The following HS6ST3 variants were observed in gnomAD, a reference collection of about 807,000 sequenced individuals.
HS6ST3 encodes the protein heparan sulfate 6-O-sulfotransferase 3, also known as heparan-sulfate 6-O-sulfotransferase 3.
Under a neutral mutation model 36.7 loss-of-function variants are expected in HS6ST3, and 12 were observed. That is an observed-to-expected ratio of 0.33 (90% CI 0.21 to 0.53). The LOEUF (loss-of-function observed/expected upper bound fraction) is 0.53. Ranked by LOEUF, HS6ST3 falls within the 20% of genes least tolerant of loss-of-function variation. HS6ST3 has a pLI of 0.95. For synonymous variants in HS6ST3, 240 were observed against 257.5 expected (o/e 0.93, Z 0.65); for missense variants, 584 against 640.9 (o/e 0.91, Z 0.96).
chr13:96,631,286 G>C (rs191231377), intron 1 of HS6ST3, among the ~76,000 whole-genome samples: 76 of 152,186 alleles, frequency 5.0e-4, no homozygotes, highest in Admixed American at 1.3e-3. Flanking sequence ...TCCCCTTTGT[G>C]CCTTGATATT....
chr13:96,568,442 T>C (rs1170693043), intron 1 of HS6ST3, among the ~76,000 whole-genome samples: 1 of 152,108 alleles, frequency 6.6e-6, no homozygotes, highest in Non-Finnish European at 1.5e-5. Context: ...AATTTTTGTA[T>C]TTTTAGTAGA....
At chr13:96,319,504 A>G (rs1165941469) in intron 1 of HS6ST3, among the ~76,000 whole-genome samples, 1 of 152,194 alleles carries the variant, frequency 6.6e-6, no homozygotes, top group Non-Finnish European at 1.5e-5. Context: ...TCTTGGATAT[A>G]TACCTTGGAA....
At chr13:96,204,228 A>T (rs1343500140) in intron 1 of HS6ST3, among the ~76,000 whole-genome samples, 2 of 152,186 alleles carry the variant, frequency 1.3e-5, no homozygotes, top group South Asian at 2.1e-4. Context: ...ACAGACTTTA[A>T]ACCAACAAAA....
intron 1 of HS6ST3, among the ~76,000 whole-genome samples, chr13:96,639,008 G>A (rs1028992690): frequency 2.0e-5 from 3 of 151,932 alleles, no homozygotes; most frequent in South Asian, 2.1e-4. Context: ...AGTGTGCCAC[G>A]TGCACTTGAG....
At chr13:96,812,676 C>G (rs1878341150) in intron 1 of HS6ST3, among the ~76,000 whole-genome samples, 1 of 152,200 alleles carries the variant, frequency 6.6e-6, no homozygotes. Flanking sequence ...ATCTTTGTTA[C>G]TCCACCTCCT....
intron 1 of HS6ST3, among the ~76,000 whole-genome samples, chr13:96,293,401 A>C (rs909299613): frequency 1.1e-4 from 16 of 152,094 alleles, no homozygotes; most frequent in African/African-American, 3.9e-4. Flanking sequence ...GAGAGAGTGC[A>C]CCATGTTTTC....
chr13:96,776,675 A>G lies in HS6ST3; in HGVS notation c.708-55815A>G, dbSNP rs556705752. Among the ~76,000 whole-genome samples the G allele has an allele frequency of 4.7e-4, 72 of 152,276 alleles. No individual in the cohort carries two copies. In the South Asian group the frequency reaches 8.9e-3, roughly 19 times the overall value. On this transcript the variant is annotated intron_variant, in intron 1 of 1. Transcript: ENST00000376705. ...CGAATCCCTGAATAGAGCAATAACA[A>G]GTTCTGAAATTGAGGCAATAATTAA...
chr13:96,219,528 G>A lies in HS6ST3; in HGVS notation c.707+127959G>A, dbSNP rs1169975683. ...TCTAAATAATAACACATTGCTGTAG[G>A]TGGTAGAGCTTGCATTTCTTGGCAA... On this transcript the variant is annotated intron_variant, in intron 1 of 1. Transcript: ENST00000376705. Among the ~76,000 whole-genome samples, 4 of 152,156 alleles carry A rather than the reference G, an allele frequency of 2.6e-5. No homozygotes were observed. In the East Asian group the frequency reaches 7.7e-4, roughly 29 times the overall value.
chr13:96,102,924 A>G (rs1324918511), intron 1 of HS6ST3, among the ~76,000 whole-genome samples: 1 of 152,222 alleles, frequency 6.6e-6, no homozygotes, highest in East Asian at 1.9e-4. Context: ...TAGGCAGACA[A>G]CTGCTAATAA....
In HS6ST3 at chr13:96,377,539, C is replaced by T. The variant is rs552375467; in HGVS notation, c.707+285970C>T. Among the ~76,000 whole-genome samples, 10 of 152,148 alleles carry T rather than the reference C, an allele frequency of 6.6e-5. No individual in the cohort carries two copies. The East Asian group carries it at 9.6e-4, about 15-fold the overall frequency. ...TAGACATAGTTATGAGCACTAATAG[C>T]AGCAGTTGTACAAAAGAAATAAAAG... On this transcript the variant is annotated intron_variant, in intron 1 of 1. Transcript: ENST00000376705.
intron 1 of HS6ST3, among the ~76,000 whole-genome samples, chr13:96,442,110 C>T (rs1232317798): frequency 6.6e-6 from 1 of 151,840 alleles, no homozygotes; most frequent in Admixed American, 6.6e-5. Flanking sequence ...CAGCCTTGAC[C>T]TCCCGTGTTC....
At chr13:96,352,666 T>G (rs1053386991) in intron 1 of HS6ST3, among the ~76,000 whole-genome samples, 1 of 152,158 alleles carries the variant, frequency 6.6e-6, no homozygotes, top group African/African-American at 2.4e-5. Flanking sequence ...GTGACCATCT[T>G]GGAGGCTGCT....
At chr13:96,501,012 T>C (rs1327919) in intron 1 of HS6ST3, among the ~76,000 whole-genome samples, 2 of 151,920 alleles carry the variant, frequency 1.3e-5, no homozygotes, top group Non-Finnish European at 2.9e-5. Context: ...GTGAAAGTTT[T>C]GGTGGAAGGA....
chr13:96,679,803 A>G (rs1463107975), intron 1 of HS6ST3, among the ~76,000 whole-genome samples: 1 of 152,150 alleles, frequency 6.6e-6, no homozygotes, highest in African/African-American at 2.4e-5. Context: ...TCACACATTC[A>G]TTCATTAAAC....
intron 1 of HS6ST3, among the ~76,000 whole-genome samples, chr13:96,475,837 A>C (rs2055861749): frequency 6.6e-6 from 1 of 152,162 alleles, no homozygotes; most frequent in African/African-American, 2.4e-5. Context: ...GAGAATGAGG[A>C]ATTTGCAAAT....
At chr13:96,166,079 T>C (rs2054158879) in intron 1 of HS6ST3, among the ~76,000 whole-genome samples, 1 of 151,924 alleles carries the variant, frequency 6.6e-6, no homozygotes, top group Non-Finnish European at 1.5e-5. Flanking sequence ...TGAGACAGTC[T>C]TGCTGTGTTG....
intron 1 of HS6ST3, among the ~76,000 whole-genome samples, chr13:96,516,227 A>AT (rs929149209): frequency 4.1e-4 from 62 of 151,270 alleles, no homozygotes; most frequent in African/African-American, 1.4e-3. Context: ...ATGCCTAGCT[A>AT]TTTTTTTTCT....
At chr13:96,685,986 A>G (rs1337221497) in intron 1 of HS6ST3, among the ~76,000 whole-genome samples, 3 of 152,050 alleles carry the variant, frequency 2.0e-5, no homozygotes, top group African/African-American at 7.2e-5. Flanking sequence ...GTAATCTTTT[A>G]AAACAGAAAA....
rs1491242538 is a variant in HS6ST3, at chr13:96,139,567, A to AAAAAAAAAAAAAAT, written c.707+47998_707+47999insAAAAAAAAAAAAAT. Among the ~76,000 whole-genome samples the AAAAAAAAAAAAAAT allele has an allele frequency of 1.2e-3, 173 of 138,720 alleles. 3 individuals carry two copies. Among genetic ancestry groups the AAAAAAAAAAAAAAT allele is most frequent in the African/African-American group, 4.7e-3 (167 of 35,636 alleles). The allele number at this position is 138,720 out of a possible 152,430, so 91.0% of individuals were successfully genotyped here. On this transcript the variant is annotated intron_variant, in intron 1 of 1. Coordinates refer to ENST00000376705, the MANE Select transcript of HS6ST3 (RefSeq NM_153456.4). ...AAAAAAAAAAAAAAAAAAAAAAAAAATCCATGTATAAGTTAATTTGGTATA... is the reference window on the plus strand; with the variant it reads ...AAAAAAAAAAAAAAAAAAAAAAAAAAAAAAAAAAAAAAATTCCATGTATAAGTTAATTTGGTATA...
Sources: allele counts gnomAD v4.1 joint callset (sites outside exome capture counted in the v4.1 genomes callset), GRCh38; gene constraint gnomAD v4.1.1; transcripts MANE v1.5; gene names NCBI Gene and HGNC (gene_info 2026-07-23, HGNC 2026-07-21).